Variants in MET observed in about 807,000 individuals in gnomAD.
The protein encoded by MET is hepatocyte growth factor receptor.
MET carries 48 observed loss-of-function variants against 133.1 expected under a neutral mutation model. The observed-to-expected ratio is 0.36, with a 90% CI of 0.29 to 0.46. The LOEUF is 0.46. Among genes scored for constraint, MET ranks in the 20% least tolerant of loss-of-function variants. The pLI, the probability that MET is intolerant of heterozygous loss-of-function variation, is 1.00. For missense variants in MET, 1,442 were observed against 1,695.9 expected (o/e 0.85, Z 2.63); for synonymous variants, 628 against 616.5 (o/e 1.02, Z -0.28).
intron 11 of MET, among the ~76,000 whole-genome samples, chr7:116,768,626 A>G (rs1025775703): frequency 6.6e-6 from 1 of 152,210 alleles, no homozygotes; most frequent in East Asian, 1.9e-4. Context: ...TGAGATCCGT[A>G]TGAGACCATG....
chr7:116,702,285 G>A lies in MET; in HGVS notation c.1200+2001G>A, dbSNP rs57028965. 3.3e-3 allele frequency among the ~76,000 whole-genome samples: 504 copies of A among 152,146 alleles called. 2 individuals carry two copies. The highest frequency in any genetic ancestry group is 0.011 in the African/African-American group (459 of 41,536). Reference sequence around the variant, plus strand: ...ACAAAGGAAGCCAACTTTTACACTGGCCAAATTCCATAGACAAATACCTTC... The same window carrying A: ...ACAAAGGAAGCCAACTTTTACACTGACCAAATTCCATAGACAAATACCTTC... On this transcript the variant is annotated intron_variant, in intron 2 of 20. Coordinates refer to ENST00000397752, the MANE Select transcript of MET (RefSeq NM_000245.4).
rs764303128 is a variant in MET at position 116,796,105 on chromosome 7, C to A, written c.4154C>A (p.Ser1385Tyr). ...GATGAGGTGGACACACGACCAGCCT[C>A]CTTCTGGGAGACATCATAGTGCTAG... The part of the protein sequence containing the change: ...ADDEVDTRPA[S>Y]FWETS Residue 1385 changes from serine (S) to tyrosine (Y), a missense_variant, in exon 21 of 21, where the codon TCC becomes TAC. Ser to Tyr is a moderately radical substitution (Grantham distance 144). Around this residue, in one of 6 missense-constraint regions of MET, gnomAD observed 94 missense variants for 109.5 expected, o/e 0.86. Transcript: ENST00000397752. The A allele has an allele frequency of 1.9e-6, 3 of 1,614,112 alleles. No individual in the cohort carries two copies. The East Asian group carries it at 6.7e-5, about 36-fold the overall frequency.
At position 116,699,940 on chromosome 7, in the gene MET, T is replaced by C; in HGVS notation, c.856T>C (p.Ser286Pro). 1 of 1,614,084 alleles carries C rather than the reference T, an allele frequency of 6.2e-7. No homozygotes were observed. The highest frequency in any genetic ancestry group is 8.5e-7 in the Non-Finnish European group (1 of 1,179,972). ...TRIIRFCSIN[S>P]GLHSYMEMPL... ...AATAATCAGGTTCTGTTCCATAAAC[T>C]CTGGATTGCATTCCTACATGGAAAT... The change falls in exon 2 of 21, where the codon TCT (serine) becomes CCT (proline). Residue 286 changes from serine (S) to proline (P), a missense_variant. This residue lies in a region of MET where 762 missense variants were observed against 792.4 expected (regional missense o/e 0.96). Transcript: ENST00000397752.
chr7:116,753,409 T>C (rs1334173817), intron 5 of MET, among the ~76,000 whole-genome samples: 7 of 152,248 alleles, frequency 4.6e-5, no homozygotes, highest in Admixed American at 4.6e-4. Flanking sequence ...AGAAGCTTAT[T>C]TTTAACTTGG....
At chr7:116,765,751 T>G (rs1404382281) in intron 11 of MET, among the ~76,000 whole-genome samples, 2 of 152,186 alleles carry the variant, frequency 1.3e-5, no homozygotes, top group African/African-American at 4.8e-5. Flanking sequence ...CAGTTGACAC[T>G]GTACTTTGGC....
At chr7:116,728,187 A>G (rs1227582782) in intron 2 of MET, among the ~76,000 whole-genome samples, 1 of 152,234 alleles carries the variant, frequency 6.6e-6, no homozygotes, top group African/African-American at 2.4e-5. Context: ...TGAAATTTGA[A>G]TGCCACTTGA....
At chr7:116,724,933 C>T in intron 2 of MET, 1 of 1,093,652 alleles carries the variant, frequency 9.1e-7, no homozygotes, top group Non-Finnish European at 1.2e-6. Flanking sequence ...ATGCTTAGAA[C>T]TGTGTCTAAC....
intron 3 of MET, 76 bp downstream of exon 3, chr7:116,731,935 AGG>A: frequency 2.1e-6 from 3 of 1,445,760 alleles, no homozygotes; most frequent in Non-Finnish European, 2.9e-6. Context: ...TTTTGCAGTA[AGG>A]TATTTGCAAA....
intron 5 of MET, among the ~76,000 whole-genome samples, chr7:116,748,445 A>G (rs766452749): frequency 1.3e-5 from 2 of 152,248 alleles, no homozygotes; most frequent in South Asian, 4.1e-4. Context: ...AAGACACAAC[A>G]TATCAGAATC....
At chr7:116,779,071 A>G (rs1795078172) in intron 17 of MET, 114 bp downstream of exon 17, 1 of 1,057,620 alleles carries the variant, frequency 9.5e-7, no homozygotes, top group Non-Finnish European at 1.4e-6. Context: ...GCACATTTAA[A>G]ATGTTAGCAT....
chr7:116,684,366 G>T (rs993685645), intron 1 of MET, among the ~76,000 whole-genome samples: 10 of 152,128 alleles, frequency 6.6e-5, no homozygotes, highest in Non-Finnish European at 1.5e-4. Context: ...TGCTTACTAA[G>T]TGCCATGTAA....
At chr7:116,722,267 G>A (rs1444786251) in intron 2 of MET, among the ~76,000 whole-genome samples, 2 of 150,648 alleles carry the variant, frequency 1.3e-5, no homozygotes, top group South Asian at 2.1e-4. Flanking sequence ...ATCTTTGTTG[G>A]TTTAAAGTCT....
In MET at chr7:116,798,155, T is replaced by A; in HGVS notation, c.*2031T>A. ...CGGGGAAACATCCCATCAACAGGAC[T>A]ACACACTTGTATATACATTCTTGAG... On this transcript the variant is annotated 3_prime_UTR_variant, in exon 21 of 21. Transcript: ENST00000397752. The A allele has an allele frequency of 4.6e-6, 1 of 216,922 alleles. No homozygotes were observed. The highest frequency in any genetic ancestry group is 9.3e-6 in the Non-Finnish European group (1 of 107,546). 13.4% of individuals were successfully genotyped at this position (216,922 alleles called of 1,614,324 possible).
intron 1 of MET, 100 bp downstream of exon 1, chr7:116,672,677 C>A (rs1796017481): frequency 2.7e-6 from 1 of 372,632 alleles, no homozygotes; most frequent in Non-Finnish European, 4.8e-6. Flanking sequence ...TTCCAGGGGG[C>A]AAAACCACGT....
chr7:116,796,371 T>A lies in MET; in HGVS notation c.*247T>A. The A allele has an allele frequency of 1.9e-6, 1 of 537,028 alleles. No individual in the cohort carries two copies. Among genetic ancestry groups the A allele is most frequent in the African/African-American group, 1.9e-5 (1 of 53,092 alleles). 33.3% of individuals were successfully genotyped at this position (537,028 alleles called of 1,614,324 possible). Reference sequence around the variant, plus strand: ...TGACAACACTCCTGTCATATTGGAGTCCAAAACTTGAATTCTGGGTTGAAT... The same window carrying A: ...TGACAACACTCCTGTCATATTGGAGACCAAAACTTGAATTCTGGGTTGAAT... On this transcript the variant is annotated 3_prime_UTR_variant, in exon 21 of 21. Coordinates refer to ENST00000397752, the MANE Select transcript of MET (RefSeq NM_000245.4).
chr7:116,707,450 T>C (rs1791844085), intron 2 of MET, among the ~76,000 whole-genome samples: 1 of 152,180 alleles, frequency 6.6e-6, no homozygotes, highest in South Asian at 2.1e-4. Context: ...TTTTGATTTG[T>C]AAACCATTCT....
intron 16 of MET, 125 bp from the exon 17 acceptor site, chr7:116,778,651 G>GTCGAACACTCTGCAC: frequency 9.6e-7 from 1 of 1,043,246 alleles, no homozygotes; most frequent in Non-Finnish European, 1.4e-6. Context: ...ACACTCTGCA[G>GTCGAACACTCTGCAC]TCAAACCCTC....
chr7:116,706,505 T>C (rs1371935134), intron 2 of MET, among the ~76,000 whole-genome samples: 5 of 152,152 alleles, frequency 3.3e-5, no homozygotes, highest in Admixed American at 6.6e-5. Context: ...GCTGCATTGA[T>C]AAGGATATGA....
Position 116,754,990 on chromosome 7 carries a change from A to AAGAAAGAAAGAAAGAAAG in MET, c.1702-363_1702-346dup, listed in dbSNP as rs1794108075. On this transcript the variant is annotated intron_variant, in intron 5 of 20. Transcript: ENST00000397752. ...AGGAAGGAAGCAGAGAAAGGAAAGA[A>AAGAAAGAAAGAAAGAAAG]AGAAAGAAAGAAAGAAAGAAAGAAA... Among the ~76,000 whole-genome samples, 5 of 142,674 alleles carry AAGAAAGAAAGAAAGAAAG rather than the reference A, an allele frequency of 3.5e-5. No individual in the cohort carries two copies. The Admixed American group carries it at 3.6e-4, about 10-fold the overall frequency. The allele number at this position is 142,674 out of a possible 152,430, so 93.6% of individuals were successfully genotyped here.
Sources: allele counts gnomAD v4.1 joint callset (sites outside exome capture counted in the v4.1 genomes callset), GRCh38; gene constraint gnomAD v4.1.1; regional missense constraint gnomAD v4.1.1; transcripts MANE v1.5; gene names NCBI Gene and HGNC (gene_info 2026-07-23, HGNC 2026-07-21).